Variants in SCGN observed in about 807,000 individuals in gnomAD.
SCGN encodes the protein secretagogin.
A neutral mutation model predicts 39.7 loss-of-function variants in SCGN; 30 were observed. The observed-to-expected ratio is 0.76, with a 90% CI of 0.57 to 1.03. SCGN has a LOEUF of 1.03. SCGN is among the 50% of genes least tolerant of loss of function. The pLI is 0.00. For synonymous variants in SCGN, 106 were observed against 114.1 expected (o/e 0.93, Z 0.45); for missense variants, 353 against 349.4 (o/e 1.01, Z -0.08).
intron 9 of SCGN, among the ~76,000 whole-genome samples, chr6:25,690,105 A>C (rs1366555515): frequency 6.6e-6 from 1 of 152,168 alleles, no homozygotes; most frequent in Non-Finnish European, 1.5e-5. Context: ...CTAGATAATT[A>C]TGTGTCATGT....
chr6:25,686,269 T>C (rs1046250266), intron 7 of SCGN, among the ~76,000 whole-genome samples: 6 of 152,208 alleles, frequency 3.9e-5, no homozygotes, highest in African/African-American at 1.4e-4. Context: ...TAATTTTACA[T>C]TTAATTTTCT....
At chr6:25,700,942 C>T (rs940743514) in intron 10 of SCGN, among the ~76,000 whole-genome samples, 2 of 152,154 alleles carry the variant, frequency 1.3e-5, no homozygotes, top group African/African-American at 4.8e-5. Flanking sequence ...GCTAATAAGG[C>T]AGTCTTTTTC....
chr6:25,664,819 G>T, intron 3 of SCGN, 124 bp from the exon 4 acceptor site: 1 of 637,054 alleles, frequency 1.6e-6, no homozygotes, highest in Non-Finnish European at 2.8e-6. Flanking sequence ...AAACCGAGCT[G>T]TTCATCCTGG....
At chr6:25,691,597 G>A (rs1759774205) in intron 10 of SCGN, among the ~76,000 whole-genome samples, 1 of 152,098 alleles carries the variant, frequency 6.6e-6, no homozygotes, top group South Asian at 2.1e-4. Flanking sequence ...GGTTGGGGCG[G>A]ATGAAATTTA....
intron 2 of SCGN, among the ~76,000 whole-genome samples, chr6:25,656,841 T>C (rs977596687): frequency 3.9e-5 from 6 of 152,184 alleles, no homozygotes; most frequent in African/African-American, 1.4e-4. Context: ...TCACATTTAT[T>C]TACTTTAAAA....
intron 4 of SCGN, among the ~76,000 whole-genome samples, chr6:25,668,836 G>A (rs1365511056): frequency 6.6e-6 from 1 of 152,198 alleles, no homozygotes; most frequent in Non-Finnish European, 1.5e-5. Flanking sequence ...TATTGGCCGG[G>A]CGCAGTGGCT....
At chr6:25,696,570 T>G (rs539549883) in intron 10 of SCGN, among the ~76,000 whole-genome samples, 5 of 152,340 alleles carry the variant, frequency 3.3e-5, no homozygotes, top group South Asian at 4.1e-4. Context: ...TGTGCAAAGA[T>G]CTTTCTCTAT....
intron 2 of SCGN, among the ~76,000 whole-genome samples, chr6:25,657,887 C>G (rs149430285): frequency 1.3e-5 from 2 of 150,012 alleles, no homozygotes; most frequent in Non-Finnish European, 3.0e-5. Context: ...CTTGCTCTGT[C>G]TTAGACAAAT....
At position 25,662,495 on chromosome 6, in the gene SCGN, A is replaced by C. The variant is rs144232992; in HGVS notation, c.246+851A>C. Among the ~76,000 whole-genome samples, 566 of 152,284 alleles carry C rather than the reference A, an allele frequency of 3.7e-3. 2 individuals carry two copies. The highest frequency in any genetic ancestry group is 0.013 in the African/African-American group (556 of 41,564). ...AACTAAGATATTTTTTCATAGTCAA[A>C]ATTGCCTGTTAGACATATTACCTAA... On this transcript the variant is annotated intron_variant, in intron 3 of 10. Transcript: ENST00000377961.
At chr6:25,656,304 C>A (rs1053589551) in intron 2 of SCGN, among the ~76,000 whole-genome samples, 1 of 152,180 alleles carries the variant, frequency 6.6e-6, no homozygotes, top group African/African-American at 2.4e-5. Context: ...CCTTCAGAGG[C>A]ATGAATAGCT....
intron 7 of SCGN, among the ~76,000 whole-genome samples, chr6:25,682,614 GAC>G (rs1489881432): frequency 1.3e-5 from 2 of 152,196 alleles, no homozygotes; most frequent in Non-Finnish European, 2.9e-5. Context: ...AAAAGAGAAA[GAC>G]ATTCTGAGCA....
intron 6 of SCGN, among the ~76,000 whole-genome samples, chr6:25,676,857 A>G (rs1759569549): frequency 6.6e-6 from 1 of 152,208 alleles, no homozygotes; most frequent in African/African-American, 2.4e-5. Flanking sequence ...AGTGCCTGCC[A>G]CATAGTAGGC....
rs762165970 is a variant in SCGN, at chr6:25,669,538, A to C, written c.364A>C (p.Ser122Arg). ...QIWRKYDADS[S>R]GFISAAELRN... ...TTGGCGCAAATATGACGCTGACAGC[A>C]GTGGCTTTATATCAGCTGCTGAGCT... Residue 122 changes from serine to arginine, a missense_variant, in exon 5 of 11, where the codon AGT (serine) becomes CGT (arginine). Coordinates refer to ENST00000377961, the MANE Select transcript of SCGN (RefSeq NM_006998.4). 1 of 1,613,784 alleles carries C rather than the reference A, an allele frequency of 6.2e-7. No individual in the cohort carries two copies. Among genetic ancestry groups the C allele is most frequent in the South Asian group, 1.1e-5 (1 of 91,066 alleles).
Position 25,652,346 on chromosome 6 carries a change from C to T in SCGN, c.-58C>T. The T allele has an allele frequency of 7.4e-7, 1 of 1,347,022 alleles. No individual in the cohort carries two copies. 83.4% of individuals were successfully genotyped at this position (1,347,022 alleles called of 1,614,324 possible). On this transcript the variant is annotated 5_prime_UTR_variant, in exon 1 of 11. Coordinates refer to ENST00000377961, the MANE Select transcript of SCGN (RefSeq NM_006998.4). ...AAGTCAAGAAATACGGTGAAGGAGT[C>T]CTTCCCAAAGTTGTCTAGGTCCTTC... is the stretch of plus-strand genomic sequence containing the variant.
chr6:25,668,570 T>A (rs1180551239), intron 4 of SCGN, among the ~76,000 whole-genome samples: 1 of 152,176 alleles, frequency 6.6e-6, no homozygotes, highest in Non-Finnish European at 1.5e-5. Context: ...CAGATTTTAG[T>A]TTTGAAGTTT....
At chr6:25,675,650 T>G (rs1233711277) in intron 6 of SCGN, among the ~76,000 whole-genome samples, 1 of 152,232 alleles carries the variant, frequency 6.6e-6, no homozygotes, top group East Asian at 1.9e-4. Context: ...GAGGATGATA[T>G]GAGTTTAAGC....
chr6:25,686,580 A>G (rs889712709), intron 7 of SCGN, among the ~76,000 whole-genome samples: 3 of 152,170 alleles, frequency 2.0e-5, no homozygotes, highest in Non-Finnish European at 4.4e-5. Flanking sequence ...AGAGTCCTGT[A>G]TATATTCTGT....
chr6:25,661,595 T>A lies in SCGN; in HGVS notation c.197T>A (p.Phe66Tyr). The A allele has an allele frequency of 2.5e-6, 4 of 1,613,806 alleles. No individual in the cohort carries two copies. Among genetic ancestry groups the A allele is most frequent in the Non-Finnish European group, 3.4e-6 (4 of 1,179,768 alleles). The change falls in exon 3 of 11, where the codon TTT becomes TAT. Residue 66 changes from phenylalanine to tyrosine, a missense_variant. Physicochemically the swap from Phe to Tyr is conservative, Grantham distance 22. Coordinates refer to ENST00000377961, the MANE Select transcript of SCGN (RefSeq NM_006998.4). The stretch of plus-strand genomic sequence containing the variant: ...AATTTGCACAAGGTGAAACAGCAGT[T>A]TATGACTACCCAAGATGCCTCTAAA... ...KANLHKVKQQ[F>Y]MTTQDASKDG...
At position 25,669,572 on chromosome 6, in the gene SCGN, G is replaced by A; in HGVS notation, c.393+5G>A. On this transcript the variant is annotated splice_donor_5th_base_variant and intron_variant, in intron 5 of 10. Coordinates refer to ENST00000377961, the MANE Select transcript of SCGN (RefSeq NM_006998.4). The stretch of plus-strand genomic sequence containing the variant: ...ATATCAGCTGCTGAGCTCCGCGTGA[G>A]TGTCACTGGGTGAAGGGTGGGTTTG... 2 of 1,611,478 alleles carry A rather than the reference G, an allele frequency of 1.2e-6. No homozygotes were observed. The highest frequency in any genetic ancestry group is 1.3e-5 in the African/African-American group (1 of 75,026).
Sources: gnomAD v4.1 joint callset for allele counts (sites outside exome capture counted in the v4.1 genomes callset) on GRCh38, gnomAD v4.1.1 for gene constraint, MANE v1.5 for transcripts, NCBI Gene and HGNC (gene_info 2026-07-23, HGNC 2026-07-21) for gene names.